The following GAB2 variants were observed in gnomAD, a reference collection of about 807,000 sequenced individuals.
The protein encoded by GAB2 is GRB2-associated-binding protein 2.
In GAB2, 26 loss-of-function variants were observed where a neutral mutation model predicts 65.5. The ratio of observed to expected loss-of-function variants is 0.40; its 90% CI spans 0.29 to 0.55. GAB2 has a LOEUF of 0.55. GAB2 is among the 20% of genes least tolerant of loss of function. GAB2 has a pLI of 0.53. For synonymous variants in GAB2, 321 were observed against 329.6 expected (o/e 0.97, Z 0.28); for missense variants, 884 against 875.8 (o/e 1.01, Z -0.12).
intron 1 of GAB2, among the ~76,000 whole-genome samples, chr11:78,313,675 C>A (rs1208728977): frequency 3.3e-5 from 5 of 152,188 alleles, no homozygotes; most frequent in Non-Finnish European, 7.4e-5. Flanking sequence ...TTTCTGGGAG[C>A]AGGCTCATTA....
At chr11:78,389,238 T>C (rs78056269) in intron 1 of GAB2, among the ~76,000 whole-genome samples, 2 of 152,058 alleles carry the variant, frequency 1.3e-5, no homozygotes, top group East Asian at 3.9e-4. Flanking sequence ...ACATCTGAGA[T>C]TGACATGAAG....
At chr11:78,379,339 A>T (rs1856669257) in intron 1 of GAB2, among the ~76,000 whole-genome samples, 2 of 152,258 alleles carry the variant, frequency 1.3e-5, no homozygotes, top group Non-Finnish European at 2.9e-5. Context: ...ACTTTCCAGA[A>T]CATAAAAGAC....
At chr11:78,289,814 C>T (rs975029576) in intron 1 of GAB2, among the ~76,000 whole-genome samples, 4 of 83,660 alleles carry the variant, frequency 4.8e-5, no homozygotes, top group East Asian at 4.0e-4. Flanking sequence ...AGAACAGGAC[C>T]TTTTTTTTTT....
At chr11:78,287,723 A>G (rs1866525551) in intron 1 of GAB2, among the ~76,000 whole-genome samples, 1 of 148,580 alleles carries the variant, frequency 6.7e-6, no homozygotes, top group South Asian at 2.1e-4. Context: ...ATCTTGGCTC[A>G]CTGCAAGCTC....
At chr11:78,401,512 G>C (rs1214547708) in intron 1 of GAB2, among the ~76,000 whole-genome samples, 68 of 142,614 alleles carry the variant, frequency 4.8e-4, no homozygotes, top group African/African-American at 1.6e-3. Context: ...ATTCGTGTGT[G>C]TGTGTGTGTG....
chr11:78,361,278 T>C (rs902818674), intron 1 of GAB2, among the ~76,000 whole-genome samples: 1 of 152,192 alleles, frequency 6.6e-6, no homozygotes, highest in Admixed American at 6.5e-5. Context: ...ATTTCTTTTA[T>C]AGCCTATAAG....
At chr11:78,373,913 A>G (rs911784105) in intron 1 of GAB2, among the ~76,000 whole-genome samples, 1 of 152,178 alleles carries the variant, frequency 6.6e-6, no homozygotes, top group African/African-American at 2.4e-5. Flanking sequence ...AGGCTAGCAC[A>G]GTACCCGACA....
At chr11:78,392,572 G>C (rs544541314) in intron 1 of GAB2, among the ~76,000 whole-genome samples, 1 of 152,272 alleles carries the variant, frequency 6.6e-6, no homozygotes, top group South Asian at 2.1e-4. Flanking sequence ...TTTGTGGAAT[G>C]ATCGATAGAG....
intron 1 of GAB2, among the ~76,000 whole-genome samples, chr11:78,386,183 G>A (rs996863306): frequency 2.6e-5 from 4 of 152,194 alleles, no homozygotes; most frequent in African/African-American, 4.8e-5. Flanking sequence ...TTCTATCTAT[G>A]TGAACAATCA....
chr11:78,258,199 C>A (rs980268090), intron 2 of GAB2, among the ~76,000 whole-genome samples: 1 of 152,168 alleles, frequency 6.6e-6, no homozygotes, highest in African/African-American at 2.4e-5. Flanking sequence ...CCTCAGACCT[C>A]ATTAGTCATA....
In GAB2 at chr11:78,243,703, G is replaced by T. The variant is rs1590960538; in HGVS notation, c.620+6454C>A. ...AAAATACAAAAAAAAAATTAGCTGG[G>T]CACAGTGGCACGTGCCTGTAGTCCC... is the stretch of plus-strand genomic sequence containing the variant. On this transcript the variant is annotated intron_variant, in intron 3 of 9. Coordinates refer to ENST00000361507, the MANE Select transcript of GAB2 (RefSeq NM_080491.3). 1.3e-5 allele frequency among the ~76,000 whole-genome samples: 2 copies of T among 151,834 alleles called. 1 individual carries two copies. The highest frequency in any genetic ancestry group is 3.9e-4 in the East Asian group (2 of 5,110).
chr11:78,412,385 A>G (rs940076003), intron 1 of GAB2, among the ~76,000 whole-genome samples: 3 of 152,218 alleles, frequency 2.0e-5, no homozygotes, highest in African/African-American at 7.2e-5. Context: ...ATCTCCAGAG[A>G]ATTATGCTGA....
intron 2 of GAB2, among the ~76,000 whole-genome samples, chr11:78,273,717 A>AGG (rs1231768635): frequency 6.6e-6 from 1 of 152,202 alleles, no homozygotes; most frequent in Non-Finnish European, 1.5e-5. Context: ...GAGATTTGAA[A>AGG]GGGGGCAGGG....
At chr11:78,367,257 G>GA (rs1462952875) in intron 1 of GAB2, among the ~76,000 whole-genome samples, 2 of 152,294 alleles carry the variant, frequency 1.3e-5, no homozygotes, top group Admixed American at 6.5e-5. Flanking sequence ...CTGGTCATGA[G>GA]AAAAAAGCAA....
chr11:78,334,760 G>T (rs1205062004), intron 1 of GAB2, among the ~76,000 whole-genome samples: 1 of 152,202 alleles, frequency 6.6e-6, no homozygotes, highest in African/African-American at 2.4e-5. Flanking sequence ...CTTCTTTGGG[G>T]TAAATACTCA....
At position 78,308,271 on chromosome 11, in the gene GAB2, G is replaced by A. The variant is rs533496240; in HGVS notation, c.76-27370C>T. Among the ~76,000 whole-genome samples, 141 of 152,212 alleles carry A rather than the reference G, an allele frequency of 9.3e-4. 1 individual carries two copies. The highest frequency in any genetic ancestry group is 3.4e-3 in the Middle Eastern group (1 of 294). On this transcript the variant is annotated intron_variant, in intron 1 of 9. Transcript: ENST00000361507. The stretch of plus-strand genomic sequence containing the variant: ...ACAGTCTAGATTTTAAGCACAGGAC[G>A]CATAGAAAGAGAGGGCATACGGGAG...
At chr11:78,334,993 A>G (rs949156057) in intron 1 of GAB2, among the ~76,000 whole-genome samples, 9 of 152,236 alleles carry the variant, frequency 5.9e-5, no homozygotes, top group Non-Finnish European at 1.0e-4. Context: ...TCTGATGATC[A>G]ATGATGTTGA....
intron 1 of GAB2, among the ~76,000 whole-genome samples, chr11:78,332,774 A>T (rs1380260343): frequency 6.6e-6 from 1 of 152,236 alleles, no homozygotes; most frequent in Non-Finnish European, 1.5e-5. Flanking sequence ...AACTATTAAG[A>T]AGTGTTGTTT....
intron 1 of GAB2, among the ~76,000 whole-genome samples, chr11:78,286,599 A>C (rs1475722385): frequency 6.6e-6 from 1 of 151,460 alleles, no homozygotes; most frequent in Non-Finnish European, 1.5e-5. Flanking sequence ...TTTTCATTCC[A>C]TGAATATGTT....
Sources: gnomAD v4.1 joint callset for allele counts (sites outside exome capture counted in the v4.1 genomes callset) on GRCh38, gnomAD v4.1.1 for gene constraint, MANE v1.5 for transcripts, NCBI Gene and HGNC (gene_info 2026-07-23, HGNC 2026-07-21) for gene names.